Variants in ABCC1 observed in about 807,000 individuals in gnomAD.
ABCC1 encodes ATP binding cassette subfamily C member 1 (ABCC1 blood group), also known as multidrug resistance-associated protein 1.
In ABCC1, 83 loss-of-function variants were observed where a neutral mutation model predicts 172.9. That is an observed-to-expected ratio of 0.48 (90% CI 0.40 to 0.58). ABCC1 has a LOEUF of 0.58. ABCC1 is among the 20% of genes least tolerant of loss of function. The pLI is 0.00. For synonymous variants in ABCC1, 937 were observed against 825.2 expected (o/e 1.14, Z -2.32); for missense variants, 1,817 against 2,002.7 (o/e 0.91, Z 1.77).
chr16:16,124,138 A>G (rs1192962353), intron 24 of ABCC1, among the ~76,000 whole-genome samples: 1 of 152,180 alleles, frequency 6.6e-6, no homozygotes, highest in Admixed American at 6.5e-5. Context: ...GTTTACTCGT[A>G]CTAGTTACGC....
chr16:16,113,588 G>A (rs1286562009), intron 22 of ABCC1, among the ~76,000 whole-genome samples: 1 of 152,142 alleles, frequency 6.6e-6, no homozygotes, highest in Non-Finnish European at 1.5e-5. Flanking sequence ...CCAGGAGGTC[G>A]AGGCTGCAGT....
At chr16:15,962,312 A>C (rs2046151631) in intron 1 of ABCC1, among the ~76,000 whole-genome samples, 1 of 152,226 alleles carries the variant, frequency 6.6e-6, no homozygotes, top group South Asian at 2.1e-4. Context: ...ATAATTTAAC[A>C]ATGTGTAAAA....
At chr16:16,047,434 G>A (rs2049256374) in intron 9 of ABCC1, among the ~76,000 whole-genome samples, 1 of 152,098 alleles carries the variant, frequency 6.6e-6, no homozygotes, top group African/African-American at 2.4e-5. Context: ...TGGGCCCAGA[G>A]GCATGCATCA....
chr16:15,969,744 A>G (rs2046325549), intron 1 of ABCC1, among the ~76,000 whole-genome samples: 1 of 151,628 alleles, frequency 6.6e-6, no homozygotes, highest in Admixed American at 6.6e-5. Context: ...GACTTGGGTG[A>G]GTGGGTATCT....
intron 23 of ABCC1, among the ~76,000 whole-genome samples, chr16:16,119,677 C>G (rs539955453): frequency 2.6e-5 from 4 of 152,170 alleles, no homozygotes; most frequent in African/African-American, 4.8e-5. Flanking sequence ...GGTGACAGAG[C>G]GAGACTGTCT....
rs780129167 is a variant in ABCC1, at chr16:16,044,546, C to T, written c.906C>T (p.Val302=). Reference sequence around the variant, plus strand: ...ATGAGGAGGTGGAGGCTTTGATCGTCAAGTCCCCACAGAAGGAGTGGAACC... The same window carrying T: ...ATGAGGAGGTGGAGGCTTTGATCGTTAAGTCCCCACAGAAGGAGTGGAACC... ...DANEEVEALI[V]KSPQKEWNPS... Residue 302 remains valine (V), a synonymous_variant, in exon 8 of 31, where the codon GTC becomes GTT. Coordinates refer to ENST00000399410, the MANE Select transcript of ABCC1 (RefSeq NM_004996.4). 1.2e-6 allele frequency: 2 copies of T among 1,614,168 alleles called. No homozygotes were observed. The highest frequency in any genetic ancestry group is 1.7e-6 in the Non-Finnish European group (2 of 1,180,020).
At chr16:16,103,614 C>G (rs1321480206) in intron 20 of ABCC1, among the ~76,000 whole-genome samples, 3 of 151,938 alleles carry the variant, frequency 2.0e-5, no homozygotes, top group Non-Finnish European at 4.4e-5. Flanking sequence ...GCAGCAGCAG[C>G]AGAAAACAGT....
At chr16:16,096,714 C>T (rs1447722856) in intron 19 of ABCC1, among the ~76,000 whole-genome samples, 1 of 152,142 alleles carries the variant, frequency 6.6e-6, no homozygotes, top group Non-Finnish European at 1.5e-5. Context: ...AGCAGAGTTC[C>T]AGAACCTTCT....
intron 9 of ABCC1, among the ~76,000 whole-genome samples, chr16:16,047,842 C>G (rs1219661087): frequency 6.6e-6 from 1 of 151,376 alleles, no homozygotes; most frequent in African/African-American, 2.4e-5. Context: ...ACCACTCCCC[C>G]CAGAAAAACC....
At chr16:16,085,845 A>G (rs574069346) in intron 17 of ABCC1, among the ~76,000 whole-genome samples, 2 of 152,326 alleles carry the variant, frequency 1.3e-5, no homozygotes, top group African/African-American at 4.8e-5. Flanking sequence ...CAGGGCAGGC[A>G]TCTCAGGAGG....
At position 16,115,043 on chromosome 16, in the gene ABCC1, C is replaced by T. The variant is rs1283106982; in HGVS notation, c.3357C>T (p.Ile1119=). The T allele has an allele frequency of 6.2e-7, 1 of 1,614,208 alleles. No homozygotes were observed. The highest frequency in any genetic ancestry group is 8.5e-7 in the Non-Finnish European group (1 of 1,180,020). Residue 1119 remains isoleucine, a synonymous_variant, in exon 23 of 31, where the codon ATC becomes ATT. Coordinates refer to ENST00000399410, the MANE Select transcript of ABCC1 (RefSeq NM_004996.4). ...CCACGCCCATCGCCGCCATCATCAT[C>T]CCGCCCCTTGGCCTCATCTACTTCT... is the stretch of plus-strand genomic sequence containing the variant. The part of the protein sequence containing the change: ...LLATPIAAII[I]PPLGLIYFFV...
rs562880507 is a variant in ABCC1, at chr16:15,950,019, C to T, written c.48+220C>T. ...TTCCTGCGGAGCAGAGCGTGGGGGGCCGCGTGCCCAGCCCTGGGGTTTTGG... is the reference window on the plus strand; with the variant it reads ...TTCCTGCGGAGCAGAGCGTGGGGGGTCGCGTGCCCAGCCCTGGGGTTTTGG... On this transcript the variant is annotated intron_variant, in intron 1 of 30. Coordinates refer to ENST00000399410, the MANE Select transcript of ABCC1 (RefSeq NM_004996.4). 7.6e-3 allele frequency among the ~76,000 whole-genome samples: 1,156 copies of T among 152,178 alleles called. 6 individuals are homozygous for T. Among genetic ancestry groups the T allele is most frequent in the Non-Finnish European group, 0.011 (729 of 67,976 alleles).
intron 13 of ABCC1, among the ~76,000 whole-genome samples, chr16:16,069,697 A>G (rs1379900212): frequency 1.3e-5 from 2 of 152,138 alleles, no homozygotes; most frequent in African/African-American, 2.4e-5. Context: ...AGAATAGCTT[A>G]AAGTTTGTAA....
chr16:16,052,946 G>A, intron 11 of ABCC1, 130 bp downstream of exon 11: 1 of 792,984 alleles, frequency 1.3e-6, no homozygotes. Flanking sequence ...GACTCACTTG[G>A]GGAGCCTTAA....
chr16:16,121,058 C>A (rs2045131268), intron 23 of ABCC1, among the ~76,000 whole-genome samples: 1 of 152,176 alleles, frequency 6.6e-6, no homozygotes, highest in Non-Finnish European at 1.5e-5. Flanking sequence ...TATTACCAGG[C>A]ACTGTGCTTA....
intron 1 of ABCC1, among the ~76,000 whole-genome samples, chr16:15,978,545 T>G (rs978294787): frequency 3.9e-5 from 6 of 152,174 alleles, no homozygotes; most frequent in African/African-American, 1.2e-4. Context: ...GTAATGGCCA[T>G]TTATGGACAA....
intron 21 of ABCC1, among the ~76,000 whole-genome samples, chr16:16,110,925 G>T (rs577984015): frequency 6.6e-6 from 1 of 151,288 alleles, no homozygotes; most frequent in South Asian, 2.1e-4. Flanking sequence ...TTTTGAGACG[G>T]AGTCTCACTC....
intron 27 of ABCC1, among the ~76,000 whole-genome samples, chr16:16,133,961 G>A (rs752264736): frequency 3.9e-5 from 6 of 152,182 alleles, no homozygotes; most frequent in Non-Finnish European, 8.8e-5. Flanking sequence ...AACAACTCAT[G>A]ATGGGAAACT....
chr16:15,974,791 G>A (rs749677067), intron 1 of ABCC1, among the ~76,000 whole-genome samples: 153 of 152,166 alleles, frequency 1.0e-3, no homozygotes, highest in Non-Finnish European at 1.7e-3. Flanking sequence ...GTTTCTTTCT[G>A]TTTTTCTTTT....
Sources: gnomAD v4.1 joint callset for allele counts (sites outside exome capture counted in the v4.1 genomes callset) on GRCh38, gnomAD v4.1.1 for gene constraint, MANE v1.5 for transcripts, NCBI Gene and HGNC (gene_info 2026-07-23, HGNC 2026-07-21) for gene names.